TATDN1: variants seen among roughly 807,000 people sequenced by gnomAD.
TATDN1 encodes the protein deoxyribonuclease TATDN1.
In TATDN1, 40 loss-of-function variants were observed where a neutral mutation model predicts 46.4. The ratio of observed to expected loss-of-function variants is 0.86; its 90% CI spans 0.67 to 1.12. The LOEUF is 1.12. Among genes scored for constraint, TATDN1 ranks in the 50% most tolerant of loss-of-function variants. The probability of loss-of-function intolerance (pLI) is 0.00; values close to 1 mark genes in which losing one functional copy is unlikely to be tolerated. For synonymous variants in TATDN1, 95 were observed against 105.6 expected, an observed-to-expected ratio of 0.90 and a Z score of 0.62; for missense variants, 326 against 348.4, an observed-to-expected ratio of 0.94 and a Z score of 0.51.
chr8:124,506,616 G>A (rs13276295), intron 8 of TATDN1, among the ~76,000 whole-genome samples: 15,841 of 152,196 alleles, frequency 0.1, 921 homozygotes, highest in Non-Finnish European at 0.14. Flanking sequence ...TAGTAGTATA[G>A]ATGAGGCAGA....
At chr8:124,529,483 C>A (rs1820776174) in intron 1 of TATDN1, among the ~76,000 whole-genome samples, 1 of 152,116 alleles carries the variant, frequency 6.6e-6, no homozygotes, top group Admixed American at 6.5e-5. Context: ...CAAGCATGAA[C>A]CTTCTAACTG....
intron 6 of TATDN1, among the ~76,000 whole-genome samples, chr8:124,515,410 A>G (rs1296272502): frequency 2.0e-5 from 3 of 152,074 alleles, no homozygotes; most frequent in African/African-American, 7.3e-5. Flanking sequence ...ACATTCCCCA[A>G]AATAATTTAA....
intron 1 of TATDN1, among the ~76,000 whole-genome samples, chr8:124,534,947 G>A (rs552204661): frequency 1.3e-5 from 2 of 152,298 alleles, no homozygotes; most frequent in African/African-American, 4.8e-5. Flanking sequence ...ATTCAAAAAC[G>A]GCCAGGTGGA....
chr8:124,504,555 C>T (rs1463654368), intron 8 of TATDN1: 3 of 350,710 alleles, frequency 8.6e-6, no homozygotes, highest in East Asian at 4.6e-5. Context: ...TGATGCAAAA[C>T]GTTAGCTGCC....
chr8:124,532,718 T>C (rs1821076028), intron 1 of TATDN1, among the ~76,000 whole-genome samples: 1 of 152,186 alleles, frequency 6.6e-6, no homozygotes, highest in African/African-American at 2.4e-5. Context: ...CCCAGGCCAG[T>C]AGGCAGGCCC....
At chr8:124,495,167 G>A in intron 10 of TATDN1, 2 of 356,222 alleles carry the variant, frequency 5.6e-6, no homozygotes, top group Non-Finnish European at 1.0e-5. Flanking sequence ...ACTTGGAAGT[G>A]TGATGTGCTT....
chr8:124,536,905 G>GA (rs796635513), intron 1 of TATDN1, among the ~76,000 whole-genome samples: 370 of 141,240 alleles, frequency 2.6e-3, no homozygotes, highest in Middle Eastern at 7.1e-3. Flanking sequence ...GTTTCAAAAG[G>GA]AAAAAAAAAA....
intron 9 of TATDN1, among the ~76,000 whole-genome samples, chr8:124,501,911 T>C (rs963498735): frequency 1.3e-4 from 20 of 152,128 alleles, no homozygotes; most frequent in African/African-American, 4.1e-4. Context: ...AGAAGAAAAC[T>C]AGGTCACAGG....
In TATDN1 at chr8:124,536,649, T is replaced by C. The variant is rs568054344; in HGVS notation, c.22+2376A>G. 2.8e-3 allele frequency among the ~76,000 whole-genome samples: 432 copies of C among 152,330 alleles called. 2 individuals carry two copies. The highest frequency in any genetic ancestry group is 3.6e-3 in the Non-Finnish European group (247 of 68,024). On this transcript the variant is annotated intron_variant, in intron 1 of 11. Transcript: ENST00000276692. ...TAGAAAGAATTACAATGGTCAGCTG[T>C]CTTAAACCAAAATCTAAGGTAATTT... is the stretch of plus-strand genomic sequence containing the variant.
chr8:124,492,079 A>G (rs1817055190), intron 11 of TATDN1, among the ~76,000 whole-genome samples: 1 of 151,270 alleles, frequency 6.6e-6, no homozygotes, highest in Admixed American at 6.6e-5. Context: ...GGTTCAAGCG[A>G]TTCTCCTGCC....
intron 1 of TATDN1, 116 bp from the exon 2 acceptor site, chr8:124,523,118 T>A: frequency 2.5e-6 from 2 of 787,998 alleles, no homozygotes; most frequent in Admixed American, 4.8e-5. Context: ...TCAAACAATA[T>A]CCAAGTGCCT....
At chr8:124,514,879 A>C (rs1819324985) in intron 6 of TATDN1, among the ~76,000 whole-genome samples, 1 of 152,200 alleles carries the variant, frequency 6.6e-6, no homozygotes, top group African/African-American at 2.4e-5. Context: ...CAAACTAGCA[A>C]TATTCAATGC....
chr8:124,539,060 G>A lies in TATDN1; in HGVS notation c.-14C>T, dbSNP rs778161404. On this transcript the variant is annotated 5_prime_UTR_variant, in exon 1 of 12. Coordinates refer to ENST00000276692, the MANE Select transcript of TATDN1 (RefSeq NM_032026.4). ...GAAGCGACTCATGACTGCGCATGGAGGACCTCCCCAGCGGAAGCGGAAGTG... is the reference window on the plus strand; with the variant it reads ...GAAGCGACTCATGACTGCGCATGGAAGACCTCCCCAGCGGAAGCGGAAGTG... The A allele has an allele frequency of 1.2e-5, 20 of 1,612,736 alleles. No individual in the cohort carries two copies. The highest frequency in any genetic ancestry group is 4.5e-5 in the East Asian group (2 of 44,836).
chr8:124,507,546 C>CT (rs1306034934), intron 8 of TATDN1, among the ~76,000 whole-genome samples: 13 of 152,046 alleles, frequency 8.6e-5, no homozygotes, highest in African/African-American at 2.7e-4. Flanking sequence ...CTTTGGGAAG[C>CT]CAGGGTGGGC....
At chr8:124,522,370 T>C (rs1282212561) in intron 2 of TATDN1, among the ~76,000 whole-genome samples, 170 bp from the exon 3 acceptor site, 1 of 152,224 alleles carries the variant, frequency 6.6e-6, no homozygotes, top group Non-Finnish European at 1.5e-5. Flanking sequence ...TCATGGTTTA[T>C]CAATAAATGT....
At chr8:124,504,920 ATT>A (rs746689630) in intron 8 of TATDN1, among the ~76,000 whole-genome samples, 6 of 128,512 alleles carry the variant, frequency 4.7e-5, no homozygotes, top group African/African-American at 8.6e-5. Flanking sequence ...CTAATTTTGT[ATT>A]TTTTTTTTTT....
intron 1 of TATDN1, among the ~76,000 whole-genome samples, chr8:124,533,855 A>C (rs1821186053): frequency 6.6e-6 from 1 of 151,990 alleles, no homozygotes; most frequent in Admixed American, 6.6e-5. Context: ...CATTAAAAAA[A>C]GAAATGTGTG....
In TATDN1 at chr8:124,493,980, T is replaced by C. The variant is rs767321849; in HGVS notation, c.665-21A>G. The C allele has an allele frequency of 1.9e-6, 3 of 1,590,636 alleles. No homozygotes were observed. In the South Asian group the frequency reaches 3.5e-5, roughly 18 times the overall value. The stretch of plus-strand genomic sequence containing the variant: ...TGCATCTAGTTAAGCAAAGAAAGTG[T>C]CTCGTAAGGGGTTTACATTTTTAAA... On this transcript the variant is annotated intron_variant, in intron 10 of 11. Coordinates refer to ENST00000276692, the MANE Select transcript of TATDN1 (RefSeq NM_032026.4).
chr8:124,509,515 A>G (rs1187688089), intron 6 of TATDN1, among the ~76,000 whole-genome samples: 3 of 152,176 alleles, frequency 2.0e-5, no homozygotes, highest in African/African-American at 7.2e-5. Flanking sequence ...CCTTGTTCTC[A>G]CAAATGGTAG....
Sources: allele counts gnomAD v4.1 joint callset (sites outside exome capture counted in the v4.1 genomes callset), GRCh38; gene constraint gnomAD v4.1.1; transcripts MANE v1.5; gene names NCBI Gene and HGNC (gene_info 2026-07-23, HGNC 2026-07-21).